Variants in ZNF540 observed in about 807,000 individuals in gnomAD.
ZNF540 encodes CTD-3064H18.6.
In ZNF540, 3 loss-of-function variants were observed where a neutral mutation model predicts 11.8. That is an observed-to-expected ratio of 0.25 (90% CI 0.12 to 0.65). ZNF540 has a LOEUF of 0.65. Ranked by LOEUF, ZNF540 falls within the 30% of genes least tolerant of loss-of-function variation. ZNF540 has a pLI of 0.83. For synonymous variants in ZNF540, 247 were observed against 259.0 expected (o/e 0.95, Z 0.45); for missense variants, 709 against 793.1 (o/e 0.89, Z 1.27).
intron 1 of ZNF540, chr19:37,595,367 T>C (rs943048884): frequency 7.0e-4 from 107 of 152,362 alleles, no homozygotes; most frequent in African/African-American, 2.4e-3. Flanking sequence ...TGGGAATGGT[T>C]TGATTATAGC....
At chr19:37,563,223 T>C (rs895246154) in intron 1 of ZNF540, 1 of 151,958 alleles carries the variant, frequency 6.6e-6, no homozygotes, top group Non-Finnish European at 1.5e-5. Context: ...GACAGCTACT[T>C]GGCAGGCTGA....
At chr19:37,552,960 C>A (rs981633632) in intron 1 of ZNF540, among the ~76,000 whole-genome samples, 12 of 150,020 alleles carry the variant, frequency 8.0e-5, no homozygotes, top group Admixed American at 8.0e-4. Flanking sequence ...CAAAAAAAGA[C>A]AATTTGTTTT....
chr19:37,602,643 T>G (rs2044048538), intron 4 of ZNF540, among the ~76,000 whole-genome samples: 1 of 152,146 alleles, frequency 6.6e-6, no homozygotes, highest in Admixed American at 6.5e-5. Context: ...CCCAGGGCAC[T>G]CTATTCAGAG....
chr19:37,605,517 G>A (rs1341111464), intron 4 of ZNF540, among the ~76,000 whole-genome samples: 6 of 152,118 alleles, frequency 3.9e-5, no homozygotes, highest in Admixed American at 3.9e-4. Flanking sequence ...GTGTGGTGGC[G>A]TGTGCCTGTA....
Position 37,614,110 on chromosome 19 carries a change from G to C in ZNF540, c.*847G>C. 2.7e-6 allele frequency: 1 copy of C among 368,742 alleles called. No homozygotes were observed. Among genetic ancestry groups the C allele is most frequent in the Non-Finnish European group, 4.8e-6 (1 of 208,356 alleles). The allele number at this position is 368,742 out of a possible 1,614,324, so 22.8% of individuals were successfully genotyped here. On this transcript the variant is annotated 3_prime_UTR_variant, in exon 5 of 5. Transcript: ENST00000316433. The stretch of plus-strand genomic sequence containing the variant: ...GTTGTTTATAAGCCACTGAGTCTAC[G>C]ATATTTTGTTATGCAGCCCAGATAA...
chr19:37,602,352 T>C (rs1297517999), intron 4 of ZNF540, among the ~76,000 whole-genome samples: 2 of 152,200 alleles, frequency 1.3e-5, no homozygotes, highest in Non-Finnish European at 1.5e-5. Flanking sequence ...GGATGAGTTA[T>C]ATTAACTTGG....
chr19:37,566,137 C>T, intron 1 of ZNF540: 2 of 1,614,010 alleles, frequency 1.2e-6, no homozygotes, highest in Non-Finnish European at 1.7e-6. Context: ...CTTCTTGACC[C>T]TCTAAGTTGC....
At chr19:37,584,017 C>T (rs2043570457) in intron 1 of ZNF540, 1 of 1,613,888 alleles carries the variant, frequency 6.2e-7, no homozygotes, top group African/African-American at 1.3e-5. Context: ...CATCCCTGTA[C>T]AAGTCCCTCT....
chr19:37,594,840 T>A (rs1310270589), upstream of ZNF540: 1 of 152,080 alleles, frequency 6.6e-6, no homozygotes, highest in Non-Finnish European at 1.5e-5. Context: ...AGTCTACAAC[T>A]GGAAACCGGC....
rs1171515339 is a variant in ZNF540, at chr19:37,594,905, A to T, written c.-263A>T. ...AAGATCGGGTCCGGCGCTCCAGAAC[A>T]GAACGATCCCTGAGGCTCCCTTGCT... On this transcript the variant is annotated 5_prime_UTR_variant, in exon 1 of 5. Transcript: ENST00000316433. 6.6e-6 allele frequency: 1 copy of T among 152,230 alleles called. No individual in the cohort carries two copies. 9.4% of individuals were successfully genotyped at this position (152,230 alleles called of 1,614,324 possible).
chr19:37,564,899 G>A, intron 1 of ZNF540: 3 of 1,613,976 alleles, frequency 1.9e-6, no homozygotes, highest in Non-Finnish European at 2.5e-6. Flanking sequence ...ATAAATAAAG[G>A]CCTTGTCACA....
chr19:37,558,330 A>T (rs2042682758), intron 1 of ZNF540, among the ~76,000 whole-genome samples: 1 of 151,990 alleles, frequency 6.6e-6, no homozygotes, highest in South Asian at 2.1e-4. Flanking sequence ...CAGTTTTTGG[A>T]GTTTTCTTTT....
chr19:37,612,063 T>A lies in ZNF540; in HGVS notation c.783T>A (p.His261Gln). The A allele has an allele frequency of 6.2e-7, 1 of 1,612,000 alleles. No homozygotes were observed. Among genetic ancestry groups the A allele is most frequent in the Non-Finnish European group, 8.5e-7 (1 of 1,179,556 alleles). Residue 261 changes from histidine to glutamine, a missense_variant, in exon 5 of 5, where the codon CAT becomes CAA. His to Gln is a conservative substitution (Grantham distance 24, BLOSUM62 0). Transcript: ENST00000316433. ...CTCTTTACCCACAACTTAATCGACA[T>A]CAGAAAATTCACACTGGTAAAAAAC... is the stretch of plus-strand genomic sequence containing the variant. ...TFTLYPQLNR[H>Q]QKIHTGKKPY...
At chr19:37,565,701 T>C in intron 1 of ZNF540, 2 of 1,613,928 alleles carry the variant, frequency 1.2e-6, no homozygotes, top group Non-Finnish European at 1.7e-6. Context: ...GTATGAACTC[T>C]CTGATGTTCA....
intron 1 of ZNF540, among the ~76,000 whole-genome samples, chr19:37,553,116 T>C (rs1332178395): frequency 2.3e-4 from 2 of 8,836 alleles, no homozygotes; most frequent in African/African-American, 7.3e-4. Flanking sequence ...CTAACATCTT[T>C]TTTTTTTTTT....
In ZNF540 at chr19:37,612,615, G is replaced by A; in HGVS notation, c.1335G>A (p.Gly445=). 6.2e-7 allele frequency: 1 copy of A among 1,614,026 alleles called. No individual in the cohort carries two copies. ...AACCATATGAATGTAAGGAATGCGG[G>A]AAAGCCTTTATGCTTCGTTCAGTCC... ...GEKPYECKEC[G]KAFMLRSVLT... is the part of the protein sequence containing the mutation. Residue 445 remains glycine (G), a synonymous_variant, in exon 5 of 5, where the codon GGG becomes GGA. Coordinates refer to ENST00000316433, the MANE Select transcript of ZNF540 (RefSeq NM_001172225.3).
chr19:37,557,796 G>C (rs1417025476), intron 1 of ZNF540, among the ~76,000 whole-genome samples: 2 of 152,090 alleles, frequency 1.3e-5, no homozygotes, highest in Admixed American at 6.5e-5. Flanking sequence ...GAAGCACTTT[G>C]AAGTAAAGTC....
intron 1 of ZNF540, among the ~76,000 whole-genome samples, chr19:37,581,417 A>G (rs954574584): frequency 6.0e-5 from 9 of 150,300 alleles, no homozygotes; most frequent in Non-Finnish European, 8.9e-5. Context: ...CAGATCATTT[A>G]CCTTTATACC....
intron 1 of ZNF540, chr19:37,565,813 A>C: frequency 6.2e-7 from 1 of 1,613,738 alleles, no homozygotes. Context: ...CAGAAGTACG[A>C]CCAAAGGCCT....
Sources: gnomAD v4.1 joint callset for allele counts (sites outside exome capture counted in the v4.1 genomes callset) on GRCh38, gnomAD v4.1.1 for gene constraint, MANE v1.5 for transcripts, NCBI Gene and HGNC (gene_info 2026-07-23, HGNC 2026-07-21) for gene names.